The following FRMPD4 variants were observed in gnomAD, a reference collection of about 807,000 sequenced individuals.
FRMPD4 encodes FERM and PDZ domain-containing protein 4.
FRMPD4 carries 22 observed loss-of-function variants against 94.1 expected under a neutral mutation model. The observed-to-expected ratio is 0.23, with a 90% confidence interval of 0.17 to 0.33. The LOEUF is 0.33. Among genes scored for constraint, FRMPD4 ranks in the 10% least tolerant of loss-of-function variants. The pLI is 1.00. For synonymous variants in FRMPD4, 631 were observed against 548.6 expected (o/e 1.15, Z -2.10); for missense variants, 1,111 against 1,339.9 (o/e 0.83, Z 2.67).
intron 1 of FRMPD4, among the ~76,000 whole-genome samples, chrX:12,382,559 A>G (rs1175910556): frequency 9.0e-6 from 1 of 111,434 alleles, no homozygotes; most frequent in Non-Finnish European, 1.9e-5. Flanking sequence ...ATAGCATAGC[A>G]TAGCATAGCA....
chrX:12,282,880 G>T (rs926624043), intron 1 of FRMPD4, among the ~76,000 whole-genome samples: 1 of 109,980 alleles, frequency 9.1e-6, no homozygotes, highest in African/African-American at 3.5e-5. Flanking sequence ...TTTCCAGAAA[G>T]GTCAATGTCT....
In FRMPD4 at chrX:12,445,207, C is replaced by T. The variant is rs560399267; in HGVS notation, c.42-53473C>T. Among the ~76,000 whole-genome samples the T allele has an allele frequency of 1.3e-4, 15 of 111,982 alleles. 2 individuals carry two copies. In the South Asian group the frequency reaches 5.6e-3, roughly 42 times the overall value. ...CATGGTTGGGCATCAACAGCATCAC[C>T]TGGGAATTTGATAGAAATGAAAAAC... On this transcript the variant is annotated intron_variant, in intron 1 of 16. Coordinates refer to ENST00000675598, the MANE Select transcript of FRMPD4 (RefSeq NM_001368397.1).
chrX:12,076,390 C>T, intron 3 of FRMPD4, among the ~76,000 whole-genome samples: 1 of 105,104 alleles, frequency 9.5e-6, no homozygotes, highest in African/African-American at 3.6e-5. Flanking sequence ...AGAGAGAGAG[C>T]GAGCGAGCAT....
chrX:12,713,185 T>C (rs1398247043), intron 14 of FRMPD4, among the ~76,000 whole-genome samples: 1 of 112,234 alleles, frequency 8.9e-6, no homozygotes, highest in Non-Finnish European at 1.9e-5. Context: ...CTTTTTATTT[T>C]CAAATTTTAA....
intron 1 of FRMPD4, among the ~76,000 whole-genome samples, chrX:12,315,749 A>C (rs2055104494): frequency 8.9e-6 from 1 of 112,221 alleles, no homozygotes; most frequent in African/African-American, 3.2e-5. Flanking sequence ...ATACTCATGC[A>C]AGATTTGGCC....
chrX:12,227,143 G>T (rs2056931069), intron 1 of FRMPD4, among the ~76,000 whole-genome samples: 1 of 111,463 alleles, frequency 9.0e-6, no homozygotes, highest in African/African-American at 3.3e-5. Flanking sequence ...GAGTGGCTAT[G>T]GCACACTGAA....
intron 2 of FRMPD4, among the ~76,000 whole-genome samples, chrX:12,578,462 C>A (rs2058832771): frequency 9.0e-6 from 1 of 111,685 alleles, no homozygotes; most frequent in African/African-American, 3.3e-5. Flanking sequence ...GACAGACTCA[C>A]ACGAAACCCC....
intron 4 of FRMPD4, among the ~76,000 whole-genome samples, chrX:12,663,559 G>A (rs181524180): frequency 4.0e-4 from 45 of 111,920 alleles, no homozygotes; most frequent in Middle Eastern, 4.6e-3. Flanking sequence ...CTATATATCC[G>A]TTTTGGTACC....
intron 3 of FRMPD4, among the ~76,000 whole-genome samples, chrX:12,097,011 A>C (rs745313756): frequency 8.9e-6 from 1 of 112,467 alleles, no homozygotes; most frequent in East Asian, 2.8e-4. Context: ...AGAAATGGAA[A>C]CTCTTTGGAG....
intron 1 of FRMPD4, among the ~76,000 whole-genome samples, chrX:12,236,873 C>T (rs1377086396): frequency 9.0e-6 from 1 of 111,568 alleles, no homozygotes; most frequent in Non-Finnish European, 1.9e-5. Context: ...TGATTTTGCT[C>T]CCAGGAGAAA....
chrX:11,911,699 A>G (rs1489108003), intron 3 of FRMPD4, among the ~76,000 whole-genome samples: 1 of 112,206 alleles, frequency 8.9e-6, no homozygotes, highest in Non-Finnish European at 1.9e-5. Context: ...TGCTGGTGGC[A>G]GACATTTTTG....
At position 12,716,676 on chromosome X, in the gene FRMPD4, C is replaced by G; in HGVS notation, c.2217C>G (p.Ile739Met). The G allele has an allele frequency of 8.3e-7, 1 of 1,209,016 alleles. No individual in the cohort carries two copies. The highest frequency in any genetic ancestry group is 1.1e-6 in the Non-Finnish European group (1 of 892,942). ...TCGAGGAACCCCTCTTGCATGACAT[C>G]TGTTATGCAGAAAACACTGATGACG... Reference protein sequence around the residue: ...EGIEEPLLHDICYAENTDDAE... With the variant: ...EGIEEPLLHDMCYAENTDDAE... The change falls in exon 15 of 17, where the codon ATC becomes ATG. Residue 739 changes from isoleucine (I) to methionine (M), a missense_variant. Around this residue, in one of 8 missense-constraint regions of FRMPD4, gnomAD observed 192 missense variants for 192.5 expected, o/e 1.00. Coordinates refer to ENST00000675598, the MANE Select transcript of FRMPD4 (RefSeq NM_001368397.1).
At chrX:12,130,907 G>T (rs184260769) in intron 3 of FRMPD4, among the ~76,000 whole-genome samples, 1 of 112,105 alleles carries the variant, frequency 8.9e-6, no homozygotes, top group African/African-American at 3.2e-5. Context: ...TCGGTTATTT[G>T]AATGTTGCAT....
chrX:11,969,322 C>T (rs755247061), intron 3 of FRMPD4, among the ~76,000 whole-genome samples: 2 of 112,093 alleles, frequency 1.8e-5, no homozygotes, highest in South Asian at 7.4e-4. Flanking sequence ...GAAACTAGGT[C>T]AAGTTGCTGA....
chrX:12,461,774 A>G (rs1249222720), intron 1 of FRMPD4, among the ~76,000 whole-genome samples: 1 of 111,871 alleles, frequency 8.9e-6, no homozygotes, highest in Non-Finnish European at 1.9e-5. Flanking sequence ...CTTAACCACT[A>G]TTCATACTAC....
At chrX:11,988,102 G>C (rs2054442855) in intron 3 of FRMPD4, among the ~76,000 whole-genome samples, 1 of 111,510 alleles carries the variant, frequency 9.0e-6, no homozygotes, top group African/African-American at 3.3e-5. Flanking sequence ...ACATTTACAT[G>C]AAACCACAAA....
chrX:12,658,641 A>G (rs1287287523), intron 4 of FRMPD4, among the ~76,000 whole-genome samples: 2 of 111,280 alleles, frequency 1.8e-5, no homozygotes, highest in East Asian at 5.6e-4. Flanking sequence ...TTGTTCATCC[A>G]TGGCAAAGTG....
In FRMPD4 at chrX:12,351,172, C is replaced by CAAA. The variant is rs764761807; in HGVS notation, c.42-147495_42-147493dup. On this transcript the variant is annotated intron_variant, in intron 1 of 16. Coordinates refer to ENST00000675598, the MANE Select transcript of FRMPD4 (RefSeq NM_001368397.1). ...GGTGACAGAGTGAGACTCCACCTCA[C>CAAA]AAAAAAAAAAAAAAAGTGTGATTAT... 7.5e-4 allele frequency among the ~76,000 whole-genome samples: 62 copies of CAAA among 82,659 alleles called. 2 individuals are homozygous for CAAA. Among genetic ancestry groups the CAAA allele is most frequent in the South Asian group, 1.9e-3 (3 of 1,596 alleles). The allele number at this position is 82,659 out of a possible 115,157, so 71.8% of individuals were successfully genotyped here.
At chrX:12,250,087 T>A (rs2054018044) in intron 1 of FRMPD4, among the ~76,000 whole-genome samples, 1 of 107,783 alleles carries the variant, frequency 9.3e-6, no homozygotes. Context: ...TGTGTGTGTG[T>A]GTGTGTGTGT....
Sources: allele counts gnomAD v4.1 joint callset (sites outside exome capture counted in the v4.1 genomes callset), GRCh38; gene constraint gnomAD v4.1.1; regional missense constraint gnomAD v4.1.1; transcripts MANE v1.5; gene names NCBI Gene and HGNC (gene_info 2026-07-23, HGNC 2026-07-21).